IL1RAPL2: variants seen among roughly 807,000 people sequenced by gnomAD.
IL1RAPL2 encodes the protein X-linked interleukin-1 receptor accessory protein-like 2.
In IL1RAPL2, 3 loss-of-function variants were observed where a neutral mutation model predicts 44.1. The ratio of observed to expected loss-of-function variants is 0.07; its 90% CI spans 0.03 to 0.18. The LOEUF (loss-of-function observed/expected upper bound fraction) is 0.18, where lower values mean the gene tolerates loss of function less well. Among genes scored for constraint, IL1RAPL2 ranks in the 10% least tolerant of loss-of-function variants. The pLI is 1.00. For missense variants in IL1RAPL2, 391 were observed against 496.4 expected, an observed-to-expected ratio of 0.79 and a Z score of 2.02; for synonymous variants, 181 against 178.8, an observed-to-expected ratio of 1.01 and a Z score of -0.10.
chrX:105,456,877 G>T (rs913447843), intron 5 of IL1RAPL2, among the ~76,000 whole-genome samples: 3 of 110,980 alleles, frequency 2.7e-5, no homozygotes, highest in Non-Finnish European at 5.7e-5. Context: ...GTACTATGGT[G>T]AAAGATATGG....
chrX:105,306,217 T>C (rs2034736239), intron 5 of IL1RAPL2, among the ~76,000 whole-genome samples: 1 of 111,582 alleles, frequency 9.0e-6, no homozygotes, highest in Non-Finnish European at 1.9e-5. Flanking sequence ...ATTAATAACA[T>C]ATACTACATA....
chrX:105,520,923 C>CTTTCTTTTTT (rs2036550531), intron 6 of IL1RAPL2, among the ~76,000 whole-genome samples: 2 of 52,373 alleles, frequency 3.8e-5, no homozygotes, highest in African/African-American at 7.4e-5. Flanking sequence ...TTCTTTCTTT[C>CTTTCTTTTTT]TTTTTTTTTT....
At chrX:104,834,354 C>T (rs1035657981) in intron 2 of IL1RAPL2, among the ~76,000 whole-genome samples, 2 of 111,580 alleles carry the variant, frequency 1.8e-5, no homozygotes, top group African/African-American at 6.5e-5. Flanking sequence ...CCACGCCGCA[C>T]CCTTTCTGGT....
intron 2 of IL1RAPL2, among the ~76,000 whole-genome samples, chrX:105,033,379 G>T (rs1358809655): frequency 9.0e-6 from 1 of 111,584 alleles, no homozygotes; most frequent in Non-Finnish European, 1.9e-5. Context: ...TCCTTTCCAT[G>T]TTTATTGCTT....
At chrX:105,633,208 A>G (rs990460852) in intron 6 of IL1RAPL2, among the ~76,000 whole-genome samples, 5 of 111,721 alleles carry the variant, frequency 4.5e-5, no homozygotes, top group African/African-American at 9.7e-5. Context: ...AGATCAAGAG[A>G]TCTTTTAGAT....
At chrX:104,668,491 A>C (rs1169630831) in intron 2 of IL1RAPL2, among the ~76,000 whole-genome samples, 1 of 66,137 alleles carries the variant, frequency 1.5e-5, no homozygotes, top group African/African-American at 6.1e-5. Flanking sequence ...CCCACCGCAC[A>C]ACAGTCCCCA....
intron 2 of IL1RAPL2, among the ~76,000 whole-genome samples, chrX:105,185,019 C>T (rs1368216701): frequency 8.9e-6 from 1 of 111,944 alleles, no homozygotes; most frequent in African/African-American, 3.2e-5. Flanking sequence ...TTTACGTACA[C>T]TCTCTTAGAC....
At chrX:105,752,283 TAGG>T (rs1169995175) in intron 9 of IL1RAPL2, among the ~76,000 whole-genome samples, 1 of 112,465 alleles carries the variant, frequency 8.9e-6, no homozygotes, top group African/African-American at 3.2e-5. Context: ...CTGTAGAAAC[TAGG>T]AGTTTAGCAC....
At chrX:105,702,163 C>T (rs770538279) in intron 6 of IL1RAPL2, among the ~76,000 whole-genome samples, 8 of 111,647 alleles carry the variant, frequency 7.2e-5, no homozygotes, top group African/African-American at 1.3e-4. Flanking sequence ...AAGTAAATTA[C>T]GGCATTCTTT....
At chrX:105,014,779 G>T (rs183735707) in intron 2 of IL1RAPL2, among the ~76,000 whole-genome samples, 272 of 112,260 alleles carry the variant, frequency 2.4e-3, no homozygotes, top group African/African-American at 7.4e-3. Flanking sequence ...AAACATATGG[G>T]TGCGTGTGTC....
intron 2 of IL1RAPL2, among the ~76,000 whole-genome samples, chrX:104,728,038 T>A (rs1187140447): frequency 2.7e-5 from 3 of 110,577 alleles, no homozygotes; most frequent in Non-Finnish European, 5.7e-5. Flanking sequence ...TTAACAGCCC[T>A]GACTTCACCA....
chrX:105,244,862 C>T (rs945373688), intron 4 of IL1RAPL2, among the ~76,000 whole-genome samples: 1 of 112,091 alleles, frequency 8.9e-6, no homozygotes, highest in Non-Finnish European at 1.9e-5. Context: ...GATTTATGGA[C>T]AGAAAAAGTA....
At chrX:104,657,593 C>T (rs918409254) in intron 1 of IL1RAPL2, among the ~76,000 whole-genome samples, 1 of 111,777 alleles carries the variant, frequency 8.9e-6, no homozygotes, top group East Asian at 2.8e-4. Context: ...ATGCCAAAAG[C>T]AATGGCAACA....
At chrX:104,603,386 C>T (rs752791143) in intron 1 of IL1RAPL2, among the ~76,000 whole-genome samples, 55 of 111,613 alleles carry the variant, frequency 4.9e-4, no homozygotes, top group Middle Eastern at 4.6e-3. Flanking sequence ...AAAACCAGAA[C>T]GCCTCTTCTC....
chrX:105,720,531 G>C (rs1047983436), intron 7 of IL1RAPL2, among the ~76,000 whole-genome samples: 2 of 111,412 alleles, frequency 1.8e-5, no homozygotes, highest in African/African-American at 6.5e-5. Context: ...TGTGTCAATA[G>C]TTCATACCAT....
chrX:105,169,126 C>T (rs763204541), intron 2 of IL1RAPL2, among the ~76,000 whole-genome samples: 1 of 111,756 alleles, frequency 8.9e-6, no homozygotes, highest in African/African-American at 3.2e-5. Flanking sequence ...TTAACTATAC[C>T]ATATAACCTT....
chrX:105,666,125 A>T (rs1383688029), intron 6 of IL1RAPL2, among the ~76,000 whole-genome samples: 1 of 109,560 alleles, frequency 9.1e-6, no homozygotes, highest in Admixed American at 9.8e-5. Flanking sequence ...TGAAGTACAA[A>T]ATACAGAAAT....
intron 2 of IL1RAPL2, among the ~76,000 whole-genome samples, chrX:104,797,557 C>T (rs1222276424): frequency 8.9e-6 from 1 of 111,866 alleles, no homozygotes; most frequent in African/African-American, 3.3e-5. Flanking sequence ...GTAAAGGAAT[C>T]TGTTTAACTT....
At chrX:104,672,728 T>A (rs1203919053) in intron 2 of IL1RAPL2, among the ~76,000 whole-genome samples, 4 of 104,252 alleles carry the variant, frequency 3.8e-5, no homozygotes, top group African/African-American at 1.4e-4. Flanking sequence ...GTAAAAGTGT[T>A]CCTATTTCTC....
Sources: allele counts gnomAD v4.1 joint callset (sites outside exome capture counted in the v4.1 genomes callset), GRCh38; gene constraint gnomAD v4.1.1; transcripts MANE v1.5; gene names NCBI Gene and HGNC (gene_info 2026-07-23, HGNC 2026-07-21).